CD44: variants seen among roughly 807,000 people sequenced by gnomAD.
CD44 encodes the protein CD44 antigen.
CD44 carries 49 observed loss-of-function variants against 88.8 expected under a neutral mutation model. That is an observed-to-expected ratio of 0.55 (90% confidence interval 0.44 to 0.70). The LOEUF is 0.70. Among genes scored for constraint, CD44 ranks in the 30% least tolerant of loss-of-function variants. The pLI is 0.00. For synonymous variants in CD44, 325 were observed against 312.3 expected (o/e 1.04, Z -0.43); for missense variants, 883 against 913.8 (o/e 0.97, Z 0.43).
chr11:35,195,159 AG>A (rs1241902925), intron 5 of CD44, among the ~76,000 whole-genome samples: 1 of 152,224 alleles, frequency 6.6e-6, no homozygotes, highest in Middle Eastern at 3.2e-3. Context: ...AAACGATTCA[AG>A]GCCTGTAAAT....
intron 1 of CD44, among the ~76,000 whole-genome samples, chr11:35,146,759 G>T (rs974318387): frequency 6.6e-6 from 1 of 152,136 alleles, no homozygotes. Flanking sequence ...AGATATCGAG[G>T]CACCCTAGAA....
chr11:35,178,065 T>C (rs1944640784), intron 2 of CD44, among the ~76,000 whole-genome samples: 1 of 152,188 alleles, frequency 6.6e-6, no homozygotes, highest in South Asian at 2.1e-4. Context: ...GGGAGAAAGC[T>C]CTGGTGGCTA....
In CD44 at chr11:35,230,223, T is replaced by G. The variant is rs1472930449; in HGVS notation, c.*890T>G. On this transcript the variant is annotated 3_prime_UTR_variant, in exon 18 of 18. Coordinates refer to ENST00000428726, the MANE Select transcript of CD44 (RefSeq NM_000610.4). ...CACTGTTTTTGTTTTTTGTTTTTTG[T>G]TTTTTTTTTTTGACACTGTCCAAAG... 3.6e-5 allele frequency: 2 copies of G among 55,984 alleles called. No individual in the cohort carries two copies. Among genetic ancestry groups the G allele is most frequent in the Non-Finnish European group, 6.9e-5 (2 of 29,038 alleles). 3.5% of individuals were successfully genotyped at this position (55,984 alleles called of 1,614,324 possible). A position where few individuals can be genotyped will look rare whatever the true frequency, so the allele number is the denominator to read the frequency against.
intron 14 of CD44, 24 bp downstream of exon 14, chr11:35,211,473 T>C: frequency 6.4e-7 from 1 of 1,569,324 alleles, no homozygotes; most frequent in Non-Finnish European, 8.8e-7. Context: ...TATTATCTAG[T>C]TTGCTTTCTC....
At chr11:35,142,509 C>G (rs528719646) in intron 1 of CD44, among the ~76,000 whole-genome samples, 1 of 152,238 alleles carries the variant, frequency 6.6e-6, no homozygotes, top group Admixed American at 6.5e-5. Flanking sequence ...TTAGGGCTGG[C>G]ACACACCTTT....
rs1288723618 is a variant in CD44 at position 35,157,361 on chromosome 11, A to ATCTG, written c.67+17994_67+17995insGTCT. Among the ~76,000 whole-genome samples the ATCTG allele has an allele frequency of 4.0e-5, 6 of 150,324 alleles. No homozygotes were observed. The East Asian group carries it at 1.2e-3, about 30-fold the overall frequency. On this transcript the variant is annotated intron_variant, in intron 1 of 17. Coordinates refer to ENST00000428726, the MANE Select transcript of CD44 (RefSeq NM_000610.4). ...TATCTATCTATCTATCTATCTATCTATCTATCATCTGTCTGTATTCTATGT... is the reference window on the plus strand; with the variant it reads ...TATCTATCTATCTATCTATCTATCTATCTGTCTATCATCTGTCTGTATTCTATGT...
rs1474115901 is a variant in CD44 at position 35,208,137 on chromosome 11, C to G, written c.1447C>G (p.Pro483Ala). 6.2e-7 allele frequency: 1 copy of G among 1,611,670 alleles called. No individual in the cohort carries two copies. Among genetic ancestry groups the G allele is most frequent in the Non-Finnish European group, 8.5e-7 (1 of 1,177,808 alleles). The change falls in exon 12 of 18, where the codon CCT (proline) becomes GCT (alanine). Residue 483 changes from proline (P) to alanine (A), a missense_variant. Transcript: ENST00000428726. ...CTCCAGTCATAGTATAACGCTTCAGCCTACTGCAAATCCAAACACAGGTTT... is the reference window on the plus strand; with the variant it reads ...CTCCAGTCATAGTATAACGCTTCAGGCTACTGCAAATCCAAACACAGGTTT... ...MDSSHSITLQ[P>A]TANPNTGLVE...
In CD44 at chr11:35,177,830, TA is replaced by T. The variant is rs375288705; in HGVS notation, c.233+1094del. ...CTTACACTTAAACTAATTAAAATAC[TA>T]AAATTAAAACTTTAGTTCTTCACTA... On this transcript the variant is annotated intron_variant, in intron 2 of 17. Coordinates refer to ENST00000428726, the MANE Select transcript of CD44 (RefSeq NM_000610.4). Among the ~76,000 whole-genome samples, 34 of 152,348 alleles carry T rather than the reference TA, an allele frequency of 2.2e-4. No individual in the cohort carries two copies. In the South Asian group the frequency reaches 6.8e-3, roughly 31 times the overall value.
At chr11:35,214,754 C>G (rs539835931) in intron 14 of CD44, 98 bp from the exon 15 acceptor site, 1 of 615,010 alleles carries the variant, frequency 1.6e-6, no homozygotes, top group African/African-American at 1.9e-5. Context: ...AAAGACTAAA[C>G]TTTGTGATAG....
intron 10 of CD44, 159 bp from the exon 11 acceptor site, chr11:35,205,953 A>G (rs1331147074): frequency 1.6e-6 from 2 of 1,280,974 alleles, no homozygotes; most frequent in Non-Finnish European, 2.0e-6. Flanking sequence ...AAAGCTGCTG[A>G]AACATTCTGC....
intron 1 of CD44, among the ~76,000 whole-genome samples, chr11:35,142,614 C>A (rs913266616): frequency 1.3e-5 from 2 of 152,182 alleles, no homozygotes; most frequent in African/African-American, 4.8e-5. Flanking sequence ...AGCAAAGAGG[C>A]AAAGCTTCAT....
chr11:35,181,902 A>ATTTATATAT (rs1565080510), intron 3 of CD44, among the ~76,000 whole-genome samples: 2 of 59,682 alleles, frequency 3.4e-5, no homozygotes, highest in Non-Finnish European at 5.7e-5. Flanking sequence ...ATAATATAAT[A>ATTTATATAT]TATAATATAT....
chr11:35,201,965 A>G (rs1050402399), intron 9 of CD44, among the ~76,000 whole-genome samples, 178 bp downstream of exon 9: 1 of 152,242 alleles, frequency 6.6e-6, no homozygotes, highest in Admixed American at 6.5e-5. Flanking sequence ...ATTGGAAGGA[A>G]AATGATAACT....
At chr11:35,199,466 G>A (rs1947081810) in intron 7 of CD44, among the ~76,000 whole-genome samples, 1 of 152,056 alleles carries the variant, frequency 6.6e-6, no homozygotes, top group Non-Finnish European at 1.5e-5. Flanking sequence ...GGGGTGCTGT[G>A]TGAGCTCTCC....
intron 1 of CD44, among the ~76,000 whole-genome samples, chr11:35,158,643 A>C (rs1176370505): frequency 3.3e-5 from 5 of 152,242 alleles, no homozygotes; most frequent in Admixed American, 3.3e-4. Context: ...TTCCTGCTGC[A>C]CTTGAAAATG....
chr11:35,155,981 A>G (rs1941813253), intron 1 of CD44, among the ~76,000 whole-genome samples: 1 of 152,202 alleles, frequency 6.6e-6, no homozygotes, highest in South Asian at 2.1e-4. Flanking sequence ...AAGGTTATGA[A>G]AGGTCAAGAT....
chr11:35,184,608 G>T (rs1181285389), intron 3 of CD44, among the ~76,000 whole-genome samples: 1 of 152,094 alleles, frequency 6.6e-6, no homozygotes, highest in East Asian at 1.9e-4. Context: ...AAATATTTTT[G>T]AAAACTGTAA....
intron 1 of CD44, 38 bp downstream of exon 1, chr11:35,139,408 C>T (rs1399191937): frequency 2.6e-6 from 4 of 1,539,172 alleles, no homozygotes; most frequent in Middle Eastern, 1.7e-4. Context: ...AAGATGGGTG[C>T]GGGGTGCTCA....
intron 1 of CD44, among the ~76,000 whole-genome samples, chr11:35,151,755 G>T (rs1196975715): frequency 6.6e-6 from 1 of 152,182 alleles, no homozygotes; most frequent in Non-Finnish European, 1.5e-5. Flanking sequence ...AATCTGTCCA[G>T]CTAGCCATAC....
Sources: allele counts gnomAD v4.1 joint callset (sites outside exome capture counted in the v4.1 genomes callset), GRCh38; gene constraint gnomAD v4.1.1; transcripts MANE v1.5; gene names NCBI Gene and HGNC (gene_info 2026-07-23, HGNC 2026-07-21).